Variants in SRPK2 observed in about 807,000 individuals in gnomAD.
The protein encoded by SRPK2 is SFRS protein kinase 2.
In SRPK2, 21 loss-of-function variants were observed where a neutral mutation model predicts 90.8. The ratio of observed to expected loss-of-function variants is 0.23; its 90% CI spans 0.16 to 0.33. The LOEUF (loss-of-function observed/expected upper bound fraction) is 0.33, where lower values mean the gene tolerates loss of function less well. Ranked by LOEUF, SRPK2 falls within the 10% of genes least tolerant of loss-of-function variation. The pLI, the probability that SRPK2 is intolerant of heterozygous loss-of-function variation, is 1.00. For missense variants in SRPK2, 620 were observed against 869.0 expected (o/e 0.71, Z 3.60); for synonymous variants, 288 against 311.1 (o/e 0.93, Z 0.78).
intron 8 of SRPK2, among the ~76,000 whole-genome samples, chr7:105,145,837 C>A (rs1804538033): frequency 6.6e-6 from 1 of 152,120 alleles, no homozygotes; most frequent in Non-Finnish European, 1.5e-5. Flanking sequence ...CTAAACAACA[C>A]CCTGATGGCA....
intron 2 of SRPK2, among the ~76,000 whole-genome samples, chr7:105,383,300 C>G (rs1821169166): frequency 6.6e-6 from 1 of 151,198 alleles, no homozygotes. Context: ...ATCTCCTGAC[C>G]TCGTGATCTG....
chr7:105,170,781 ACGGG>A (rs764116181), intron 3 of SRPK2, among the ~76,000 whole-genome samples: 4 of 71,274 alleles, frequency 5.6e-5, no homozygotes, highest in African/African-American at 1.7e-4. Context: ...GGAAGGAAGG[ACGGG>A]AGGGAGGGAG....
chr7:105,383,106 C>A (rs1342497686), intron 2 of SRPK2, among the ~76,000 whole-genome samples: 1 of 126,576 alleles, frequency 7.9e-6, no homozygotes, highest in Non-Finnish European at 1.6e-5. Context: ...GCTCTATCGC[C>A]CAGGCTGGAG....
At chr7:105,361,314 G>A (rs1818395859) in intron 2 of SRPK2, among the ~76,000 whole-genome samples, 1 of 152,136 alleles carries the variant, frequency 6.6e-6, no homozygotes, top group Non-Finnish European at 1.5e-5. Flanking sequence ...ACTGCTCAAT[G>A]AAATAAAAGA....
At chr7:105,250,257 C>T (rs2129630763) in intron 2 of SRPK2, among the ~76,000 whole-genome samples, 1 of 152,214 alleles carries the variant, frequency 6.6e-6, no homozygotes, top group Middle Eastern at 3.4e-3. Context: ...ATCACTTGAA[C>T]CCAGGAGGCG....
At chr7:105,388,104 C>G (rs1207587910) in intron 2 of SRPK2, among the ~76,000 whole-genome samples, 1 of 152,194 alleles carries the variant, frequency 6.6e-6, no homozygotes, top group Non-Finnish European at 1.5e-5. Context: ...AGGCAAACCA[C>G]TTGACAACCA....
chr7:105,331,506 TAA>T (rs1446403286), intron 2 of SRPK2, among the ~76,000 whole-genome samples: 1 of 151,896 alleles, frequency 6.6e-6, no homozygotes, highest in African/African-American at 2.4e-5. Flanking sequence ...AATTTCTGAG[TAA>T]AGAGACAAGA....
At position 105,248,435 on chromosome 7, in the gene SRPK2, T is replaced by TAAAAA. The variant is rs749982663; in HGVS notation, c.72-44651_72-44650insTTTTT. Among the ~76,000 whole-genome samples, 8 of 109,662 alleles carry TAAAAA rather than the reference T, an allele frequency of 7.3e-5. No individual in the cohort carries two copies. The East Asian group carries it at 1.2e-3, about 16-fold the overall frequency. The allele number at this position is 109,662 out of a possible 152,430, so 71.9% of individuals were successfully genotyped here. On this transcript the variant is annotated intron_variant, in intron 2 of 15. Transcript: ENST00000393651. ...GCGAGATGCCATCTTTACAAAAAATTTAAAAAAAAAAAAAAAAAAAAAGTC... is the reference window on the plus strand; with the variant it reads ...GCGAGATGCCATCTTTACAAAAAATTAAAAATAAAAAAAAAAAAAAAAAAAAAGTC...
At chr7:105,289,151 G>A (rs1254250623) in intron 2 of SRPK2, among the ~76,000 whole-genome samples, 1 of 149,658 alleles carries the variant, frequency 6.7e-6, no homozygotes, top group Non-Finnish European at 1.5e-5. Context: ...GCAGGAGACT[G>A]TAGTCCCAGC....
chr7:105,343,169 G>A (rs1317905115), intron 2 of SRPK2, among the ~76,000 whole-genome samples: 2 of 152,146 alleles, frequency 1.3e-5, no homozygotes, highest in Non-Finnish European at 2.9e-5. Context: ...GCAGTGGTTT[G>A]CACCTGAAAA....
chr7:105,132,766 C>T (rs1241543948), intron 13 of SRPK2, 25 bp downstream of exon 13: 1 of 1,573,344 alleles, frequency 6.4e-7, no homozygotes, highest in South Asian at 1.1e-5. Context: ...ATTCCCATGG[C>T]AGCAAAGGGC....
chr7:105,120,402 A>C (rs1800164030), intron 15 of SRPK2, among the ~76,000 whole-genome samples: 2 of 152,232 alleles, frequency 1.3e-5, no homozygotes, highest in South Asian at 4.1e-4. Flanking sequence ...AATGCTTAAC[A>C]GCTGCATAGT....
At chr7:105,279,300 AGCT>A (rs1331073200) in intron 2 of SRPK2, among the ~76,000 whole-genome samples, 2 of 108,962 alleles carry the variant, frequency 1.8e-5, no homozygotes, top group East Asian at 2.1e-4. Context: ...TGATTTAGAT[AGCT>A]GCTGCTACTA....
chr7:105,208,392 C>T lies in SRPK2; in HGVS notation c.72-4607G>A, dbSNP rs117227521. ...TAACGAAAAGCAGAAACAACCCAAACGTCCCCTAACTGATAAATAAAATGG... is the reference window on the plus strand; with the variant it reads ...TAACGAAAAGCAGAAACAACCCAAATGTCCCCTAACTGATAAATAAAATGG... On this transcript the variant is annotated intron_variant, in intron 2 of 15. Transcript: ENST00000393651. Among the ~76,000 whole-genome samples the T allele has an allele frequency of 3.1e-3, 466 of 152,272 alleles. 14 individuals carry two copies. The East Asian group carries it at 0.062, about 20-fold the overall frequency.
At chr7:105,302,022 G>A (rs891135125) in intron 2 of SRPK2, 56 of 1,582,360 alleles carry the variant, frequency 3.5e-5, no homozygotes, top group South Asian at 1.1e-4. Context: ...GAACTTCCTC[G>A]AGGCTGGAAC....
chr7:105,289,008 G>A (rs1247362292), intron 2 of SRPK2, among the ~76,000 whole-genome samples: 2 of 150,026 alleles, frequency 1.3e-5, no homozygotes, highest in African/African-American at 4.9e-5. Context: ...TGTAATCTCA[G>A]CACTTTGGGA....
intron 15 of SRPK2, among the ~76,000 whole-genome samples, chr7:105,119,177 T>G (rs1295368525): frequency 6.6e-6 from 1 of 151,666 alleles, no homozygotes; most frequent in African/African-American, 2.4e-5. Flanking sequence ...AGGACTGACT[T>G]CTCTCCCCTT....
chr7:105,282,312 A>C (rs1807451696), intron 2 of SRPK2, among the ~76,000 whole-genome samples: 1 of 152,184 alleles, frequency 6.6e-6, no homozygotes, highest in African/African-American at 2.4e-5. Context: ...CATATACAAA[A>C]ATCAGTTCAA....
At chr7:105,232,116 CTGCTT>C (rs2129619908) in intron 2 of SRPK2, among the ~76,000 whole-genome samples, 1 of 152,248 alleles carries the variant, frequency 6.6e-6, no homozygotes, top group Non-Finnish European at 1.5e-5. Flanking sequence ...TATAATCTGC[CTGCTT>C]TAAGAATTCA....
Sources: gnomAD v4.1 joint callset for allele counts (sites outside exome capture counted in the v4.1 genomes callset) on GRCh38, gnomAD v4.1.1 for gene constraint, MANE v1.5 for transcripts, NCBI Gene and HGNC (gene_info 2026-07-23, HGNC 2026-07-21) for gene names.